The following SSU72 variants were observed in gnomAD, a reference collection of about 807,000 sequenced individuals.
The protein encoded by SSU72 is SSU72 homolog, RNA polymerase II CTD phosphatase.
Under a neutral mutation model 22.7 loss-of-function variants are expected in SSU72, and 12 were observed. That is an observed-to-expected ratio of 0.53 (90% confidence interval 0.34 to 0.86). SSU72 has a LOEUF of 0.86. SSU72 is among the 40% of genes least tolerant of loss of function. The pLI, the probability that SSU72 is intolerant of heterozygous loss-of-function variation, is 0.02. For synonymous variants in SSU72, 116 were observed against 98.3 expected, an observed-to-expected ratio of 1.18 and a Z score of -1.06; for missense variants, 151 against 249.8, an observed-to-expected ratio of 0.60 and a Z score of 2.67.
chr1:1,542,796 T>A lies in SSU72; in HGVS notation c.484-629A>T, dbSNP rs1642339824. Among the ~76,000 whole-genome samples, 1 of 152,002 alleles carries A rather than the reference T, an allele frequency of 6.6e-6. No homozygotes were observed. Among genetic ancestry groups the A allele is most frequent in the African/African-American group, 2.4e-5 (1 of 41,386 alleles). ...CGTGCAATAACTTCTGGGACGACATTTTCTTATGACCTTTTCTCCTGCCAG... is the reference window on the plus strand; with the variant it reads ...CGTGCAATAACTTCTGGGACGACATATTCTTATGACCTTTTCTCCTGCCAG... On this transcript the variant is annotated intron_variant, in intron 4 of 4. Transcript: ENST00000291386. The surrounding 1 kb of genome is among the most constrained non-coding windows in gnomAD (Gnocchi z 4.4).
intron 2 of SSU72, chr1:1,560,939 T>C (rs1642582771): frequency 6.6e-6 from 1 of 152,238 alleles, no homozygotes; most frequent in African/African-American, 2.4e-5. Context: ...ATTTATTTAA[T>C]TATCAGAAAT....
At chr1:1,549,476 A>G (rs1040995430) in intron 2 of SSU72, among the ~76,000 whole-genome samples, 1 of 151,280 alleles carries the variant, frequency 6.6e-6, no homozygotes, top group Non-Finnish European at 1.5e-5. Flanking sequence ...GCAAGATCGC[A>G]CCACCGCACT....
intron 1 of SSU72, among the ~76,000 whole-genome samples, chr1:1,565,280 G>A (rs983544980): frequency 6.6e-6 from 1 of 152,194 alleles, no homozygotes; most frequent in African/African-American, 2.4e-5. Context: ...GGCTGAGGCA[G>A]GAGAATGGCG....
At chr1:1,544,453 A>C (rs1172465290) in intron 3 of SSU72, among the ~76,000 whole-genome samples, 1 of 152,110 alleles carries the variant, frequency 6.6e-6, no homozygotes, top group Admixed American at 6.5e-5. Flanking sequence ...CCCCGTCTCT[A>C]CTAAAAATAC....
At chr1:1,555,185 G>C (rs1642506612) in intron 2 of SSU72, among the ~76,000 whole-genome samples, 1 of 152,174 alleles carries the variant, frequency 6.6e-6, no homozygotes, top group Non-Finnish European at 1.5e-5. Context: ...CCACATCAGA[G>C]GGGAGGTCAG....
chr1:1,569,548 T>G (rs1317931127), intron 1 of SSU72, among the ~76,000 whole-genome samples: 2 of 152,206 alleles, frequency 1.3e-5, no homozygotes, highest in Non-Finnish European at 2.9e-5. Context: ...AGGAGTTCAG[T>G]GGCGCAGTCA....
At chr1:1,553,718 G>T (rs1395737207) in intron 2 of SSU72, among the ~76,000 whole-genome samples, 1 of 151,824 alleles carries the variant, frequency 6.6e-6, no homozygotes, top group Non-Finnish European at 1.5e-5. Context: ...GTGAACCCGG[G>T]AGGCAGAGCT....
chr1:1,562,869 CAGAG>C (rs917726546), intron 2 of SSU72: 1 of 152,330 alleles, frequency 6.6e-6, no homozygotes, highest in South Asian at 2.1e-4. Flanking sequence ...AGGGCTTCTG[CAGAG>C]AGAGGGGCAG....
At chr1:1,574,249 G>A (rs1424372170) in intron 1 of SSU72, among the ~76,000 whole-genome samples, 1 of 152,092 alleles carries the variant, frequency 6.6e-6, no homozygotes, top group Non-Finnish European at 1.5e-5. Flanking sequence ...GAGCTCGAAG[G>A]ACCACCGGAC....
chr1:1,555,923 G>C (rs547672896), intron 2 of SSU72, among the ~76,000 whole-genome samples: 1 of 152,094 alleles, frequency 6.6e-6, no homozygotes. Context: ...TGAGCCCAGG[G>C]ACATAAGGCT....
chr1:1,542,002 T>C lies in SSU72; in HGVS notation c.*64A>G. 6.8e-7 allele frequency: 1 copy of C among 1,477,588 alleles called. No homozygotes were observed. The highest frequency in any genetic ancestry group is 9.2e-7 in the Non-Finnish European group (1 of 1,081,398). 91.5% of individuals were successfully genotyped at this position (1,477,588 alleles called of 1,614,324 possible). ...CAGAACACCTGTAAGTAAAAACAAA[T>C]GTCAGGAAGGAAAAAGTATGAACAA... On this transcript the variant is annotated 3_prime_UTR_variant, in exon 5 of 5. Coordinates refer to ENST00000291386, the MANE Select transcript of SSU72 (RefSeq NM_014188.3). The surrounding 1 kb of genome is among the most constrained non-coding windows in gnomAD (Gnocchi z 4.4).
Position 1,542,868 on chromosome 1 carries a change from G to A in SSU72, c.484-701C>T, listed in dbSNP as rs975076732. ...GGCGCTTCAGCAGCCACACTGGACCGTGAGGCACGTGGGGACCAGAAGCCA... is the reference window on the plus strand; with the variant it reads ...GGCGCTTCAGCAGCCACACTGGACCATGAGGCACGTGGGGACCAGAAGCCA... On this transcript the variant is annotated intron_variant, in intron 4 of 4. Coordinates refer to ENST00000291386, the MANE Select transcript of SSU72 (RefSeq NM_014188.3). The surrounding 1 kb of genome is among the most constrained non-coding windows in gnomAD (Gnocchi z 4.4). Among the ~76,000 whole-genome samples, 5 of 152,220 alleles carry A rather than the reference G, an allele frequency of 3.3e-5. No individual in the cohort carries two copies. The highest frequency in any genetic ancestry group is 3.3e-4 in the Admixed American group (5 of 15,282).
intron 1 of SSU72, among the ~76,000 whole-genome samples, chr1:1,573,141 A>T (rs1351556856): frequency 1.4e-5 from 2 of 142,190 alleles, no homozygotes; most frequent in East Asian, 2.1e-4. Flanking sequence ...ATACAAAAAA[A>T]GCCGGGCGCA....
Position 1,541,890 on chromosome 1 carries a change from G to A in SSU72, c.*176C>T, listed in dbSNP as rs1040297212. ...GCTCATAAGTAAAAGTGGAAAAGAAGAAACTTGATTGCTTTCATCTGGCGT... is the reference window on the plus strand; with the variant it reads ...GCTCATAAGTAAAAGTGGAAAAGAAAAAACTTGATTGCTTTCATCTGGCGT... On this transcript the variant is annotated 3_prime_UTR_variant, in exon 5 of 5. Transcript: ENST00000291386. The A allele has an allele frequency of 1.7e-6, 1 of 594,826 alleles. No individual in the cohort carries two copies. The highest frequency in any genetic ancestry group is 1.9e-5 in the African/African-American group (1 of 53,234). 36.8% of individuals were successfully genotyped at this position (594,826 alleles called of 1,614,324 possible). A position where few individuals can be genotyped will look rare whatever the true frequency, so the allele number is the denominator to read the frequency against.
chr1:1,567,940 A>C (rs377627726), intron 1 of SSU72, among the ~76,000 whole-genome samples: 14 of 142,824 alleles, frequency 9.8e-5, no homozygotes, highest in East Asian at 2.2e-4. Flanking sequence ...TCGCACAAAG[A>C]AGCCCAGGAT....
chr1:1,561,674 G>A (rs924979518), intron 2 of SSU72: 1 of 152,346 alleles, frequency 6.6e-6, no homozygotes, highest in East Asian at 1.9e-4. Context: ...GAACTGCCTG[G>A]GGACTTCACT....
At chr1:1,561,582 A>C (rs556043489) in intron 2 of SSU72, 161 of 152,274 alleles carry the variant, frequency 1.1e-3, no homozygotes, top group Non-Finnish European at 1.9e-3. Context: ...ATCACTAACC[A>C]GGAAACGTTA....
At chr1:1,569,306 C>T (rs897892362) in intron 1 of SSU72, among the ~76,000 whole-genome samples, 6 of 152,198 alleles carry the variant, frequency 3.9e-5, no homozygotes, top group African/African-American at 1.4e-4. Flanking sequence ...TCTGTGGAAA[C>T]GTACGGCGGA....
chr1:1,562,079 G>C (rs982974891), intron 2 of SSU72: 5 of 152,262 alleles, frequency 3.3e-5, no homozygotes, highest in African/African-American at 1.2e-4. Flanking sequence ...AATGACCAGA[G>C]ACAGGCTCAT....
Sources: gnomAD v4.1 joint callset for allele counts (sites outside exome capture counted in the v4.1 genomes callset) on GRCh38, gnomAD v4.1.1 for gene constraint, Gnocchi (gnomAD v3.1) non-coding constraint, MANE v1.5 for transcripts, NCBI Gene and HGNC (gene_info 2026-07-23, HGNC 2026-07-21) for gene names.